The following GDI2 variants were observed in gnomAD, a reference collection of about 807,000 sequenced individuals.
GDI2 encodes the protein rab GDP dissociation inhibitor beta.
In GDI2, 22 loss-of-function variants were observed where a neutral mutation model predicts 54.2. The observed-to-expected ratio is 0.41, with a 90% CI of 0.29 to 0.58. GDI2 has a LOEUF of 0.58. Among genes scored for constraint, GDI2 ranks in the 20% least tolerant of loss-of-function variants. GDI2 has a pLI of 0.35. For missense variants in GDI2, 422 were observed against 546.0 expected, an observed-to-expected ratio of 0.77 and a Z score of 2.26; for synonymous variants, 177 against 182.1, an observed-to-expected ratio of 0.97 and a Z score of 0.23.
At chr10:5,778,472 T>C (rs891726099) in intron 6 of GDI2, among the ~76,000 whole-genome samples, 1 of 152,244 alleles carries the variant, frequency 6.6e-6, no homozygotes, top group Non-Finnish European at 1.5e-5. Flanking sequence ...CACACCTTTC[T>C]AGATGAAACT....
In GDI2 at chr10:5,768,467, G is replaced by C. The variant is rs2131680006; in HGVS notation, c.820-83C>G. Reference sequence around the variant, plus strand: ...CCATGTTCATAGTTTGGAAGACTTAGTATTGTTAAGATATCAAAAACCATC... The same window carrying C: ...CCATGTTCATAGTTTGGAAGACTTACTATTGTTAAGATATCAAAAACCATC... On this transcript the variant is annotated intron_variant, in intron 7 of 10. Coordinates refer to ENST00000380191, the MANE Select transcript of GDI2 (RefSeq NM_001494.4). The surrounding 1 kb of genome is among the most constrained non-coding windows in gnomAD (Gnocchi z 4.4). 7 of 871,860 alleles carry C rather than the reference G, an allele frequency of 8.0e-6. No individual in the cohort carries two copies. In the South Asian group the frequency reaches 9.7e-5, roughly 12 times the overall value. The allele number at this position is 871,860 out of a possible 1,614,324, so 54.0% of individuals were successfully genotyped here.
At chr10:5,786,079 A>G (rs759226799) in intron 4 of GDI2, 29 bp from the exon 5 acceptor site, 6 of 1,472,814 alleles carry the variant, frequency 4.1e-6, no homozygotes, top group Non-Finnish European at 5.7e-6. Flanking sequence ...TTCAAAAAGC[A>G]CACTCACAAT....
At chr10:5,812,144 C>T (rs1233456427) in intron 1 of GDI2, among the ~76,000 whole-genome samples, 1 of 151,392 alleles carries the variant, frequency 6.6e-6, no homozygotes, top group Admixed American at 6.6e-5. Context: ...TCAAATTTCC[C>T]CAAAAATTGA....
At chr10:5,796,480 A>C (rs1010411413) in intron 3 of GDI2, among the ~76,000 whole-genome samples, 5 of 152,256 alleles carry the variant, frequency 3.3e-5, no homozygotes, top group African/African-American at 1.2e-4. Context: ...AGACTGTCAT[A>C]AGCATCAACA....
intron 1 of GDI2, among the ~76,000 whole-genome samples, chr10:5,805,573 A>G (rs959593628): frequency 1.3e-5 from 2 of 151,956 alleles, no homozygotes; most frequent in East Asian, 1.9e-4. Flanking sequence ...TAGCAACAGG[A>G]TATCACTATG....
At chr10:5,773,680 TA>T (rs1840549619) in intron 7 of GDI2, among the ~76,000 whole-genome samples, 161 bp downstream of exon 7, 1 of 152,198 alleles carries the variant, frequency 6.6e-6, no homozygotes, top group Admixed American at 6.5e-5. Flanking sequence ...AAGATGCTTT[TA>T]AAACAAAGCA....
rs1182612353 is a variant in GDI2, at chr10:5,765,454, A to G, written c.*552T>C. 6.5e-6 allele frequency: 1 copy of G among 152,734 alleles called. No individual in the cohort carries two copies. Among genetic ancestry groups the G allele is most frequent in the African/African-American group, 2.4e-5 (1 of 41,452 alleles). 9.5% of individuals were successfully genotyped at this position (152,734 alleles called of 1,614,324 possible). The stretch of plus-strand genomic sequence containing the variant: ...AACACCACATACAGGCTTTCTCCAA[A>G]TGACTCCCTATGTCTGGGGTTTGGT... On this transcript the variant is annotated 3_prime_UTR_variant, in exon 11 of 11. Coordinates refer to ENST00000380191, the MANE Select transcript of GDI2 (RefSeq NM_001494.4).
intron 1 of GDI2, among the ~76,000 whole-genome samples, chr10:5,809,194 G>A (rs1281547817): frequency 4.1e-5 from 6 of 147,566 alleles, no homozygotes; most frequent in South Asian, 2.1e-4. Flanking sequence ...GCGGTGAGCC[G>A]AGATCACATC....
At chr10:5,800,407 T>C (rs984062932) in intron 2 of GDI2, among the ~76,000 whole-genome samples, 191 bp downstream of exon 2, 4 of 152,222 alleles carry the variant, frequency 2.6e-5, no homozygotes, top group Admixed American at 6.5e-5. Flanking sequence ...AAGAGATAAC[T>C]GCTCCACATA....
At chr10:5,801,796 A>C (rs1841275284) in intron 1 of GDI2, among the ~76,000 whole-genome samples, 2 of 152,146 alleles carry the variant, frequency 1.3e-5, no homozygotes, top group Non-Finnish European at 2.9e-5. Context: ...GTAATGCTTG[A>C]ACCCAGGAAT....
In GDI2 at chr10:5,768,407, ACAC is replaced by A; in HGVS notation, c.820-26_820-24del. On this transcript the variant is annotated intron_variant, in intron 7 of 10. Transcript: ENST00000380191. This position sits in a 1 kb window ranked among gnomAD's most constrained non-coding sequence, Gnocchi z 4.4. Reference sequence around the variant, plus strand: ...AATCTATAACAAAGCATTTAAGAAGACACTGAAGCGGACAAGGATATAGGGAAA... The same window carrying A: ...AATCTATAACAAAGCATTTAAGAAGATGAAGCGGACAAGGATATAGGGAAA... 6.6e-7 allele frequency: 1 copy of A among 1,517,810 alleles called. No homozygotes were observed. The highest frequency in any genetic ancestry group is 1.7e-4 in the Middle Eastern group (1 of 5,878). 94.0% of individuals were successfully genotyped at this position (1,517,810 alleles called of 1,614,324 possible). A position where few individuals can be genotyped will look rare whatever the true frequency, so the allele number is the denominator to read the frequency against.
chr10:5,799,039 A>G (rs1211186355), intron 2 of GDI2, among the ~76,000 whole-genome samples: 2 of 152,124 alleles, frequency 1.3e-5, no homozygotes, highest in African/African-American at 4.8e-5. Context: ...GGAGATTTGT[A>G]GATTAAGAAA....
intron 7 of GDI2, 96 bp downstream of exon 7, chr10:5,773,746 T>A: frequency 4.4e-6 from 3 of 687,314 alleles, no homozygotes; most frequent in Non-Finnish European, 7.8e-6. Flanking sequence ...CATACAGAAA[T>A]CATATGCATC....
At chr10:5,794,701 G>A (rs1003590255) in intron 4 of GDI2, among the ~76,000 whole-genome samples, 184 bp downstream of exon 4, 2 of 152,068 alleles carry the variant, frequency 1.3e-5, no homozygotes, top group African/African-American at 4.8e-5. Context: ...AGCTTCAAAC[G>A]GGTAGGAATT....
Position 5,774,394 on chromosome 10 carries a change from G to C in GDI2, c.720-453C>G, listed in dbSNP as rs1277450291. On this transcript the variant is annotated intron_variant, in intron 6 of 10. Coordinates refer to ENST00000380191, the MANE Select transcript of GDI2 (RefSeq NM_001494.4). The surrounding 1 kb of genome is among the most constrained non-coding windows in gnomAD (Gnocchi z 4.8). Reference sequence around the variant, plus strand: ...TAACATATTTTGGTGCCTGTGACTCGGCTACCTTCCACCAGCAACACATTT... The same window carrying C: ...TAACATATTTTGGTGCCTGTGACTCCGCTACCTTCCACCAGCAACACATTT... Among the ~76,000 whole-genome samples, 3 of 152,100 alleles carry C rather than the reference G, an allele frequency of 2.0e-5. No homozygotes were observed. Among genetic ancestry groups the C allele is most frequent in the Non-Finnish European group, 4.4e-5 (3 of 68,020 alleles).
chr10:5,798,819 C>A (rs1350528718), intron 2 of GDI2, among the ~76,000 whole-genome samples: 3 of 151,090 alleles, frequency 2.0e-5, no homozygotes, highest in African/African-American at 7.3e-5. Flanking sequence ...ACTAAAAATA[C>A]AAAAAATTAG....
intron 4 of GDI2, among the ~76,000 whole-genome samples, chr10:5,788,888 G>C (rs1392278795): frequency 2.0e-5 from 3 of 151,968 alleles, no homozygotes; most frequent in East Asian, 1.9e-4. Flanking sequence ...TAAGCATCCC[G>C]AGTAGCTAGG....
At chr10:5,780,035 C>T (rs976764154) in intron 6 of GDI2, among the ~76,000 whole-genome samples, 8 of 152,000 alleles carry the variant, frequency 5.3e-5, no homozygotes, top group Non-Finnish European at 1.0e-4. Flanking sequence ...CATGGTGAGA[C>T]TCCATCTCTA....
chr10:5,807,101 A>C (rs1400418423), intron 1 of GDI2, among the ~76,000 whole-genome samples: 2 of 152,234 alleles, frequency 1.3e-5, no homozygotes, highest in South Asian at 2.1e-4. Flanking sequence ...TAGTTCCTCT[A>C]TACCCAACTA....
Sources: gnomAD v4.1 joint callset for allele counts (sites outside exome capture counted in the v4.1 genomes callset) on GRCh38, gnomAD v4.1.1 for gene constraint, Gnocchi (gnomAD v3.1) non-coding constraint, MANE v1.5 for transcripts, NCBI Gene and HGNC (gene_info 2026-07-23, HGNC 2026-07-21) for gene names.